The following CYP4F22 variants were observed in gnomAD, a reference collection of about 807,000 sequenced individuals.
CYP4F22 encodes the protein cytochrome P450 family 4 subfamily F member 22.
CYP4F22 carries 37 observed loss-of-function variants against 60.4 expected under a neutral mutation model. The observed-to-expected ratio is 0.61, with a 90% CI of 0.47 to 0.81. CYP4F22 has a LOEUF of 0.81. CYP4F22 is among the 30% of genes least tolerant of loss of function. CYP4F22 has a pLI of 0.00. For synonymous variants in CYP4F22, 258 were observed against 280.5 expected, an observed-to-expected ratio of 0.92 and a Z score of 0.80; for missense variants, 655 against 715.0, an observed-to-expected ratio of 0.92 and a Z score of 0.96.
intron 1 of CYP4F22, among the ~76,000 whole-genome samples, chr19:15,517,888 A>C (rs527986574): frequency 6.6e-6 from 1 of 152,228 alleles, no homozygotes; most frequent in African/African-American, 2.4e-5. Flanking sequence ...GAGGGAACAG[A>C]ATGTGCAAAG....
Position 15,550,690 on chromosome 19 carries a change from G to T in CYP4F22, c.1352G>T (p.Arg451Leu). Residue 451 changes from arginine (R) to leucine (L), a missense_variant, in exon 13 of 14, where the codon CGC becomes CTC. Arg to Leu is a moderately radical substitution (Grantham distance 102). Coordinates refer to ENST00000269703, the MANE Select transcript of CYP4F22 (RefSeq NM_173483.4). ...CCTCCCTAGGTGTACAACCCCTACC[G>T]CTTTGACCCGGACAACCCACAGCAG... ...WPDSKVYNPY[R>L]FDPDNPQQRS... 1 of 1,614,104 alleles carries T rather than the reference G, an allele frequency of 6.2e-7. No individual in the cohort carries two copies. The highest frequency in any genetic ancestry group is 8.5e-7 in the Non-Finnish European group (1 of 1,180,026).
chr19:15,547,623 G>A (rs139711368), intron 10 of CYP4F22, among the ~76,000 whole-genome samples: 253 of 152,108 alleles, frequency 1.7e-3, no homozygotes, highest in African/African-American at 5.6e-3. Context: ...AGGCGTTTGA[G>A]ACCAGCCTGG....
At chr19:15,549,276 G>A in intron 12 of CYP4F22, 74 bp downstream of exon 12, 2 of 1,525,356 alleles carry the variant, frequency 1.3e-6, no homozygotes, top group Non-Finnish European at 1.8e-6. Flanking sequence ...AGCGAGCAGG[G>A]CTGGTTGCAG....
intron 3 of CYP4F22, among the ~76,000 whole-genome samples, chr19:15,526,050 A>G (rs985899194): frequency 2.0e-5 from 3 of 152,152 alleles, no homozygotes; most frequent in African/African-American, 7.2e-5. Flanking sequence ...CTGTAATCCC[A>G]GCTACTTGGG....
At chr19:15,538,566 C>T (rs1483703335) in intron 7 of CYP4F22, among the ~76,000 whole-genome samples, 1 of 152,124 alleles carries the variant, frequency 6.6e-6, no homozygotes, top group Non-Finnish European at 1.5e-5. Flanking sequence ...CTGCTGAGAA[C>T]AGGGTGGTGA....
At chr19:15,514,453 C>T (rs192001297) in intron 1 of CYP4F22, among the ~76,000 whole-genome samples, 5 of 152,236 alleles carry the variant, frequency 3.3e-5, no homozygotes, top group Non-Finnish European at 7.4e-5. Flanking sequence ...TTTGGGAGGC[C>T]GAGGCGGGTG....
At chr19:15,526,089 T>C (rs1971279733) in intron 3 of CYP4F22, among the ~76,000 whole-genome samples, 1 of 151,988 alleles carries the variant, frequency 6.6e-6, no homozygotes. Context: ...TGTTTGAGCC[T>C]GGGAGTTTGA....
rs1015214865 is a variant in CYP4F22 at position 15,551,902 on chromosome 19, C to CT, written c.*431_*432insT. The CT allele has an allele frequency of 2.2e-5, 4 of 180,776 alleles. No homozygotes were observed. Among genetic ancestry groups the CT allele is most frequent in the African/African-American group, 9.6e-5 (4 of 41,620 alleles). The allele number at this position is 180,776 out of a possible 1,614,324, so 11.2% of individuals were successfully genotyped here. ...GGGCCCACCACACCCCACCCCCCCCCAACTGGCTGAACCCCTGGCAGGCTT... is the reference window on the plus strand; with the variant it reads ...GGGCCCACCACACCCCACCCCCCCCCTAACTGGCTGAACCCCTGGCAGGCTT... On this transcript the variant is annotated 3_prime_UTR_variant, in exon 14 of 14. Transcript: ENST00000269703.
intron 8 of CYP4F22, among the ~76,000 whole-genome samples, chr19:15,540,942 G>A (rs1971455676): frequency 6.6e-6 from 1 of 152,176 alleles, no homozygotes; most frequent in Admixed American, 6.5e-5. Context: ...TAAGTTGGGT[G>A]TGGTGCCGCA....
intron 1 of CYP4F22, among the ~76,000 whole-genome samples, chr19:15,510,966 A>ATT (rs1555726127): frequency 0.075 from 7,695 of 103,192 alleles, 710 homozygotes; most frequent in East Asian, 0.41. Context: ...ATATATATAT[A>ATT]TTTTTTTTTT....
intron 13 of CYP4F22, among the ~76,000 whole-genome samples, 190 bp downstream of exon 13, chr19:15,550,946 C>A (rs1186352686): frequency 6.6e-6 from 1 of 152,138 alleles, no homozygotes; most frequent in Non-Finnish European, 1.5e-5. Context: ...GGGTATTGAG[C>A]ACCAACGGTG....
intron 3 of CYP4F22, 47 bp downstream of exon 3, chr19:15,525,605 CAG>C (rs1350333698): frequency 6.4e-7 from 1 of 1,570,500 alleles, no homozygotes; most frequent in South Asian, 1.1e-5. Context: ...TGGGCATGTG[CAG>C]GGTAATAGGT....
rs571757470 is a variant in CYP4F22 at position 15,537,656 on chromosome 19, T to C, written c.543T>C (p.Ile181=). The change falls in exon 6 of 14, where the codon ATT becomes ATC. Residue 181 remains isoleucine (I), a synonymous_variant. Coordinates refer to ENST00000269703, the MANE Select transcript of CYP4F22 (RefSeq NM_173483.4). ...AGATCTTCAACCAGAGCGCTGACAT[T>C]ATGCATGTGAGTCCTAAGGCTTTGA... ...YMKIFNQSAD[I]MHAKWRHLAE... 28 of 1,612,848 alleles carry C rather than the reference T, an allele frequency of 1.7e-5. 1 individual carries two copies. In the South Asian group the frequency reaches 2.6e-4, roughly 15 times the overall value.
chr19:15,518,647 CAAAAAAA>C (rs748509278), intron 1 of CYP4F22, among the ~76,000 whole-genome samples: 4 of 23,514 alleles, frequency 1.7e-4, no homozygotes, highest in Non-Finnish European at 2.6e-4. Context: ...GACTTTGTCT[CAAAAAAA>C]AAAAAAAAAA....
chr19:15,527,600 A>T (rs1971297360), intron 3 of CYP4F22, among the ~76,000 whole-genome samples: 1 of 152,188 alleles, frequency 6.6e-6, no homozygotes, highest in Non-Finnish European at 1.5e-5. Context: ...CCCAGCCTTG[A>T]CGTTGTCCTG....
At chr19:15,529,399 G>T (rs998871409) in intron 3 of CYP4F22, among the ~76,000 whole-genome samples, 1 of 152,072 alleles carries the variant, frequency 6.6e-6, no homozygotes. Context: ...GAAGTGCTGG[G>T]ATTACAGATG....
chr19:15,547,976 AGAGAGAGAGAGAGAGAGAGG>A lies in CYP4F22; in HGVS notation c.1137-124_1137-105del, dbSNP rs1445049914. 2.7e-5 allele frequency: 22 copies of A among 806,504 alleles called. No individual in the cohort carries two copies. The African/African-American group carries it at 5.3e-4, about 20-fold the overall frequency. The allele number at this position is 806,504 out of a possible 1,614,324, so 50.0% of individuals were successfully genotyped here. On this transcript the variant is annotated intron_variant, in intron 10 of 13. Coordinates refer to ENST00000269703, the MANE Select transcript of CYP4F22 (RefSeq NM_173483.4). ...TCTTGCCCAGCTGCCCCTGAGAGAGAGAGAGAGAGAGAGAGAGAGGGAGAGAGTGTGTGTGTGTGTGTGTG... is the reference window on the plus strand; with the variant it reads ...TCTTGCCCAGCTGCCCCTGAGAGAGAGAGAGAGTGTGTGTGTGTGTGTGTG...
chr19:15,549,429 A>G (rs1015163923), intron 12 of CYP4F22, among the ~76,000 whole-genome samples: 5 of 152,210 alleles, frequency 3.3e-5, no homozygotes, highest in Non-Finnish European at 5.9e-5. Flanking sequence ...AGAGGATGAT[A>G]CTGTCTTTGC....
Position 15,540,495 on chromosome 19 carries a change from G to T in CYP4F22, c.717G>T (p.Leu239=), listed in dbSNP as rs1343563915. 8 of 1,614,062 alleles carry T rather than the reference G, an allele frequency of 5.0e-6. No homozygotes were observed. The highest frequency in any genetic ancestry group is 6.8e-6 in the Non-Finnish European group (8 of 1,180,046). ...CCGCTATCATTGAACTGAGCGCTCTGTCTGTCCGGCGCCAGTATCGCTTGC... is the reference window on the plus strand; with the variant it reads ...CCGCTATCATTGAACTGAGCGCTCTTTCTGTCCGGCGCCAGTATCGCTTGC... The part of the protein sequence containing the change: ...YISAIIELSA[L]SVRRQYRLHH... The change falls in exon 8 of 14, where the codon CTG becomes CTT. Residue 239 remains leucine, a synonymous_variant. Coordinates refer to ENST00000269703, the MANE Select transcript of CYP4F22 (RefSeq NM_173483.4).
Sources: allele counts gnomAD v4.1 joint callset (sites outside exome capture counted in the v4.1 genomes callset), GRCh38; gene constraint gnomAD v4.1.1; transcripts MANE v1.5; gene names NCBI Gene and HGNC (gene_info 2026-07-23, HGNC 2026-07-21).